UBE2E2: variants seen among roughly 807,000 people sequenced by gnomAD.
UBE2E2 encodes ubiquitin-conjugating enzyme E2 E2.
In UBE2E2, 6 loss-of-function variants were observed where a neutral mutation model predicts 24.7. The ratio of observed to expected loss-of-function variants is 0.24; its 90% CI spans 0.13 to 0.48. The LOEUF is 0.48. Among genes scored for constraint, UBE2E2 ranks in the 20% least tolerant of loss-of-function variants. UBE2E2 has a pLI of 0.99. For missense variants in UBE2E2, 169 were observed against 245.0 expected, an observed-to-expected ratio of 0.69 and a Z score of 2.07; for synonymous variants, 104 against 83.6, an observed-to-expected ratio of 1.24 and a Z score of -1.33.
intron 4 of UBE2E2, 52 bp from the exon 5 acceptor site, chr3:23,532,502 A>G: frequency 1.4e-6 from 2 of 1,436,760 alleles, no homozygotes; most frequent in Non-Finnish European, 1.9e-6. Flanking sequence ...GTCTATAGAT[A>G]CTGTTAATAA....
chr3:23,274,460 A>T (rs1032152372), intron 3 of UBE2E2, among the ~76,000 whole-genome samples: 45 of 151,752 alleles, frequency 3.0e-4, no homozygotes, highest in Non-Finnish European at 1.5e-5. Context: ...AGCTCAGCAG[A>T]TCCTCCTATC....
At chr3:23,522,393 A>G (rs1434006931) in intron 4 of UBE2E2, among the ~76,000 whole-genome samples, 2 of 152,144 alleles carry the variant, frequency 1.3e-5, no homozygotes, top group Non-Finnish European at 2.9e-5. Context: ...CGGCCTTCCA[A>G]AGTGCTGGGA....
intron 3 of UBE2E2, among the ~76,000 whole-genome samples, chr3:23,389,016 AAAG>A (rs1696874561): frequency 6.7e-6 from 1 of 148,212 alleles, no homozygotes; most frequent in South Asian, 2.1e-4. Flanking sequence ...AAAAAAAAAA[AAAG>A]AAAAAGAAAA....
At chr3:23,502,324 A>G (rs187443935) in intron 4 of UBE2E2, among the ~76,000 whole-genome samples, 1 of 151,758 alleles carries the variant, frequency 6.6e-6, no homozygotes, top group African/African-American at 2.4e-5. Context: ...AGTGGGTGTC[A>G]GGGGGAATTA....
chr3:23,410,768 T>C (rs563450764), intron 3 of UBE2E2, among the ~76,000 whole-genome samples: 8 of 152,152 alleles, frequency 5.3e-5, no homozygotes, highest in Non-Finnish European at 7.3e-5. Context: ...CTCAAGACAT[T>C]TATAACTGAA....
At chr3:23,223,321 T>C (rs1166833403) in intron 3 of UBE2E2, among the ~76,000 whole-genome samples, 1 of 151,758 alleles carries the variant, frequency 6.6e-6, no homozygotes. Flanking sequence ...GCCTCCTGAA[T>C]AACTGGGATT....
chr3:23,522,344 A>G (rs1017779890), intron 4 of UBE2E2, among the ~76,000 whole-genome samples: 1 of 152,024 alleles, frequency 6.6e-6, no homozygotes, highest in Non-Finnish European at 1.5e-5. Context: ...GTTAGCCAGG[A>G]TGGTCTCGAT....
In UBE2E2 at chr3:23,571,280, CTTTTTTTTTTTTT is replaced by C. The variant is rs59243406; in HGVS notation, c.509-18439_509-18427del. ...AGTCCCCTCACCTGTGTGCTCCTTTCTTTTTTTTTTTTTTTTTTTTTTTTTTTGAGACAGAGTC... is the reference window on the plus strand; with the variant it reads ...AGTCCCCTCACCTGTGTGCTCCTTTCTTTTTTTTTTTTTTGAGACAGAGTC... On this transcript the variant is annotated intron_variant, in intron 5 of 5. Transcript: ENST00000396703. 1.8e-3 allele frequency among the ~76,000 whole-genome samples: 54 copies of C among 29,882 alleles called. 2 individuals are homozygous for C. Among genetic ancestry groups the C allele is most frequent in the Admixed American group, 4.8e-3 (7 of 1,462 alleles). The allele number at this position is 29,882 out of a possible 152,430, so 19.6% of individuals were successfully genotyped here.
intron 3 of UBE2E2, among the ~76,000 whole-genome samples, chr3:23,491,836 C>T (rs1400586810): frequency 3.9e-5 from 6 of 152,164 alleles, no homozygotes; most frequent in Non-Finnish European, 8.8e-5. Flanking sequence ...GCAGGGAAAC[C>T]ATGCAAGATG....
At chr3:23,431,495 T>C (rs1285743702) in intron 3 of UBE2E2, among the ~76,000 whole-genome samples, 2 of 118,244 alleles carry the variant, frequency 1.7e-5, no homozygotes, top group African/African-American at 6.6e-5. Flanking sequence ...ATGGATAGAT[T>C]TAAATCATTA....
chr3:23,582,964 C>T (rs1182274565), intron 5 of UBE2E2, among the ~76,000 whole-genome samples: 5 of 150,826 alleles, frequency 3.3e-5, no homozygotes, highest in African/African-American at 1.2e-4. Flanking sequence ...TTGTTTTTGT[C>T]GTAGTTGCTT....
chr3:23,394,765 G>C (rs1559371066), intron 3 of UBE2E2, among the ~76,000 whole-genome samples: 3 of 152,150 alleles, frequency 2.0e-5, no homozygotes, highest in Admixed American at 6.5e-5. Flanking sequence ...TAAACAGCCA[G>C]GTTTTCATTT....
chr3:23,273,278 G>A (rs901148188), intron 3 of UBE2E2, among the ~76,000 whole-genome samples: 2 of 152,152 alleles, frequency 1.3e-5, no homozygotes, highest in South Asian at 2.1e-4. Flanking sequence ...AGTGGCTCAC[G>A]CCTGTAATCC....
intron 5 of UBE2E2, among the ~76,000 whole-genome samples, chr3:23,536,867 A>T (rs1478780600): frequency 6.6e-6 from 1 of 152,202 alleles, no homozygotes; most frequent in Non-Finnish European, 1.5e-5. Context: ...TTAGTTGCTA[A>T]AAATCAGACA....
intron 3 of UBE2E2, among the ~76,000 whole-genome samples, chr3:23,258,613 G>A (rs763771106): frequency 3.3e-5 from 5 of 152,142 alleles, no homozygotes; most frequent in Non-Finnish European, 7.4e-5. Flanking sequence ...ATGAATCTAG[G>A]TCGGGTGTGG....
chr3:23,302,941 A>G (rs1699139393), intron 3 of UBE2E2, among the ~76,000 whole-genome samples: 1 of 152,148 alleles, frequency 6.6e-6, no homozygotes, highest in South Asian at 2.1e-4. Flanking sequence ...CACATAAACC[A>G]GGGGTCCCCA....
chr3:23,551,972 G>A (rs1371839978), intron 5 of UBE2E2, among the ~76,000 whole-genome samples: 1 of 152,156 alleles, frequency 6.6e-6, no homozygotes, highest in Admixed American at 6.5e-5. Context: ...TCCCTTTAAG[G>A]AGAGACACCA....
intron 2 of UBE2E2, among the ~76,000 whole-genome samples, chr3:23,210,464 C>G (rs1045210051): frequency 2.0e-5 from 3 of 152,176 alleles, no homozygotes; most frequent in Non-Finnish European, 4.4e-5. Context: ...GGTGATATGT[C>G]AAAGACCAAA....
intron 3 of UBE2E2, among the ~76,000 whole-genome samples, chr3:23,494,645 A>G (rs1272259273): frequency 6.6e-6 from 1 of 152,218 alleles, no homozygotes; most frequent in Non-Finnish European, 1.5e-5. Context: ...TGGGATTTCA[A>G]GTGATACATT....
Sources: gnomAD v4.1 joint callset for allele counts (sites outside exome capture counted in the v4.1 genomes callset) on GRCh38, gnomAD v4.1.1 for gene constraint, MANE v1.5 for transcripts, NCBI Gene and HGNC (gene_info 2026-07-23, HGNC 2026-07-21) for gene names.